Variants in ACTR3C observed in about 807,000 individuals in gnomAD.
The protein encoded by ACTR3C is actin-related protein 3C.
A neutral mutation model predicts 26.3 loss-of-function variants in ACTR3C; 18 were observed. That is an observed-to-expected ratio of 0.68 (90% CI 0.47 to 1.01). The LOEUF (loss-of-function observed/expected upper bound fraction) is 1.01. Ranked by LOEUF, ACTR3C falls within the 50% of genes least tolerant of loss-of-function variation. ACTR3C has a pLI of 0.00. For missense variants in ACTR3C, 184 were observed against 250.7 expected (o/e 0.73, Z 1.80); for synonymous variants, 55 against 94.5 (o/e 0.58, Z 2.42).
intron 3 of ACTR3C, 99 bp from the exon 4 acceptor site, chr7:150,289,692 C>A: frequency 6.4e-7 from 1 of 1,553,358 alleles, no homozygotes; most frequent in South Asian, 1.2e-5. Flanking sequence ...CCTGTCTGCC[C>A]CTCACGGCAC....
At chr7:150,166,113 G>A in the ACTR3C span, among the ~76,000 whole-genome samples, 2,626 of 151,588 alleles carry the variant, frequency 0.017, 21 homozygotes, top group African/African-American at 0.061. Flanking sequence ...TTGAAATTCC[G>A]AAATGTGCTG....
At chr7:150,103,678 A>T in the ACTR3C span, among the ~76,000 whole-genome samples, 1 of 151,934 alleles carries the variant, frequency 6.6e-6, no homozygotes, top group Non-Finnish European at 1.5e-5. Context: ...TCCATTTTTT[A>T]AATTCAGAGA....
At chr7:150,161,376 C>A in the ACTR3C span, among the ~76,000 whole-genome samples, 1 of 151,392 alleles carries the variant, frequency 6.6e-6, no homozygotes. Context: ...TCCCCCACCC[C>A]ACGACAGGCC....
the ACTR3C span, among the ~76,000 whole-genome samples, chr7:149,987,302 A>G: frequency 6.6e-6 from 1 of 152,120 alleles, no homozygotes; most frequent in African/African-American, 2.4e-5. Context: ...GCTGTGGCTC[A>G]CGCCTGTAAT....
chr7:149,950,592 G>C, the ACTR3C span, among the ~76,000 whole-genome samples: 1 of 151,108 alleles, frequency 6.6e-6, no homozygotes, highest in African/African-American at 2.5e-5. Context: ...ATACATCATA[G>C]AGGCAATCCC....
chr7:150,162,719 G>A, the ACTR3C span, among the ~76,000 whole-genome samples: 1 of 152,144 alleles, frequency 6.6e-6, no homozygotes, highest in African/African-American at 2.4e-5. Context: ...ATATCTACAA[G>A]CAATGGCAAC....
chr7:150,174,742 G>C, the ACTR3C span, among the ~76,000 whole-genome samples: 1 of 145,912 alleles, frequency 6.9e-6, no homozygotes, highest in Non-Finnish European at 1.5e-5. Flanking sequence ...TGCTAAAAAA[G>C]CCTTTTCACA....
chr7:150,295,036 G>C (rs946718913), intron 2 of ACTR3C, among the ~76,000 whole-genome samples: 1 of 152,098 alleles, frequency 6.6e-6, no homozygotes, highest in African/African-American at 2.4e-5. Flanking sequence ...TGTAAAAAGA[G>C]CCAGACGACG....
the ACTR3C span, among the ~76,000 whole-genome samples, chr7:149,981,000 A>C: frequency 2.7e-5 from 4 of 150,396 alleles, no homozygotes; most frequent in African/African-American, 9.9e-5. Context: ...AGCAAGCAAG[A>C]AAGTAAACTG....
chr7:150,273,558 T>A (rs1834616743), intron 6 of ACTR3C, among the ~76,000 whole-genome samples: 1 of 150,660 alleles, frequency 6.6e-6, no homozygotes. Context: ...CGTGAGCCCC[T>A]GCACCCAGCT....
chr7:150,057,928 G>A, the ACTR3C span, among the ~76,000 whole-genome samples: 2 of 152,306 alleles, frequency 1.3e-5, no homozygotes, highest in Middle Eastern at 3.4e-3. Flanking sequence ...TGGTCTTTGA[G>A]GAAAAATAAT....
chr7:149,949,121 GC>G, the ACTR3C span, among the ~76,000 whole-genome samples: 1 of 146,488 alleles, frequency 6.8e-6, no homozygotes, highest in Non-Finnish European at 1.5e-5. Flanking sequence ...TTCAAGACCA[GC>G]CTGGCCAACA....
the ACTR3C span, among the ~76,000 whole-genome samples, chr7:150,149,964 CCA>C: frequency 1.4e-4 from 22 of 152,282 alleles, no homozygotes; most frequent in African/African-American, 5.3e-4. Context: ...AGCCACATGC[CCA>C]CAGAACTGAA....
chr7:149,954,749 A>G, the ACTR3C span, among the ~76,000 whole-genome samples: 4 of 152,248 alleles, frequency 2.6e-5, no homozygotes, highest in Admixed American at 1.3e-4. Context: ...TTATCAATGT[A>G]TCTCGTGGTC....
intron 6 of ACTR3C, among the ~76,000 whole-genome samples, chr7:150,269,303 G>A (rs1307480603): frequency 7.3e-6 from 1 of 137,912 alleles, no homozygotes; most frequent in Non-Finnish European, 1.5e-5. Context: ...CAGGGCGTTC[G>A]GAGCCCTTCA....
the ACTR3C span, among the ~76,000 whole-genome samples, chr7:150,163,402 GTA>G: frequency 1.4e-5 from 2 of 147,332 alleles, no homozygotes; most frequent in Non-Finnish European, 3.0e-5. Flanking sequence ...GTGTGTGTGT[GTA>G]TACACATACA....
At chr7:149,904,635 T>C in the ACTR3C span, among the ~76,000 whole-genome samples, 1 of 138,116 alleles carries the variant, frequency 7.2e-6, no homozygotes, top group African/African-American at 2.5e-5. Context: ...TCTTCAAGGA[T>C]AGGAATACTC....
the ACTR3C span, among the ~76,000 whole-genome samples, chr7:149,886,321 A>AT: frequency 6.6e-6 from 1 of 152,224 alleles, no homozygotes; most frequent in South Asian, 2.1e-4. Flanking sequence ...ATGTATCTGC[A>AT]TTTTTGTGTT....
At chr7:150,032,602 G>T in the ACTR3C span, among the ~76,000 whole-genome samples, 1 of 152,044 alleles carries the variant, frequency 6.6e-6, no homozygotes, top group Non-Finnish European at 1.5e-5. Context: ...AACTACCTTT[G>T]CTATCTGCTT....
Sources: allele counts gnomAD v4.1 joint callset (sites outside exome capture counted in the v4.1 genomes callset), GRCh38; gene constraint gnomAD v4.1.1; transcripts MANE v1.5; gene names NCBI Gene and HGNC (gene_info 2026-07-23, HGNC 2026-07-21).